Variants in CD300LG observed in about 807,000 individuals in gnomAD.
CD300LG encodes the protein CMRF35-like molecule 9.
A neutral mutation model predicts 31.5 loss-of-function variants in CD300LG; 29 were observed. That is an observed-to-expected ratio of 0.92 (90% CI 0.68 to 1.25). The LOEUF (loss-of-function observed/expected upper bound fraction) is 1.25. Ranked by LOEUF, CD300LG falls within the 50% of genes most tolerant of loss-of-function variation. The probability of loss-of-function intolerance (pLI) is 0.00; values close to 1 mark genes in which losing one functional copy is unlikely to be tolerated. For synonymous variants in CD300LG, 175 were observed against 177.2 expected, an observed-to-expected ratio of 0.99 and a Z score of 0.10; for missense variants, 396 against 417.6, an observed-to-expected ratio of 0.95 and a Z score of 0.45.
At chr17:43,853,208 C>T (rs374005593) in intron 3 of CD300LG, among the ~76,000 whole-genome samples, 195 bp downstream of exon 3, 1 of 152,080 alleles carries the variant, frequency 6.6e-6, no homozygotes, top group East Asian at 1.9e-4. Flanking sequence ...ACAAGAAGTG[C>T]CAGATCCCAG....
chr17:43,856,967 C>G (rs1046397035), intron 5 of CD300LG, 137 bp from the exon 6 acceptor site: 2 of 764,340 alleles, frequency 2.6e-6, no homozygotes, highest in Non-Finnish European at 4.6e-6. Context: ...GCTCCTCTGC[C>G]CATCTGGCTG....
Position 43,848,545 on chromosome 17 carries a change from G to A in CD300LG, c.44-13G>A. On this transcript the variant is annotated splice_polypyrimidine_tract_variant and intron_variant, in intron 1 of 6. Transcript: ENST00000317310. ...CCTGGTTTTTCCAACCTCCACTCCT[G>A]CTCTGATTTTAGGTTATGAAGCCCT... 1.2e-6 allele frequency: 2 copies of A among 1,606,652 alleles called. No homozygotes were observed. The highest frequency in any genetic ancestry group is 1.7e-6 in the Non-Finnish European group (2 of 1,174,714).
rs571439932 is a variant in CD300LG, at chr17:43,857,893, G to A, written c.885+737G>A. 1.4e-5 allele frequency: 21 copies of A among 1,536,808 alleles called. 1 individual carries two copies. In the South Asian group the frequency reaches 2.5e-4, roughly 18 times the overall value. On this transcript the variant is annotated intron_variant, in intron 6 of 6. Transcript: ENST00000317310. ...GTGGTGCTCTGGGGACCAGGGGCAA[G>A]AGAATAAGGGTCCCTGTGCCCATTG...
In CD300LG at chr17:43,861,949, G is replaced by A. The variant is rs771068825; in HGVS notation, c.*38G>A. 3.4e-6 allele frequency: 5 copies of A among 1,462,014 alleles called. No individual in the cohort carries two copies. In the South Asian group the frequency reaches 5.0e-5, roughly 15 times the overall value. 90.6% of individuals were successfully genotyped at this position (1,462,014 alleles called of 1,614,324 possible). ...TCCTGGCCAGGCCAGCAGTGAAGCA[G>A]TATGGCTGGCTGGATCAGCACCGAT... is the stretch of plus-strand genomic sequence containing the variant. On this transcript the variant is annotated 3_prime_UTR_variant, in exon 7 of 7. Coordinates refer to ENST00000317310, the MANE Select transcript of CD300LG (RefSeq NM_145273.4).
chr17:43,848,105 G>T (rs909133789), intron 1 of CD300LG, among the ~76,000 whole-genome samples: 1 of 152,146 alleles, frequency 6.6e-6, no homozygotes, highest in African/African-American at 2.4e-5. Flanking sequence ...AGCCGGGCAT[G>T]GCAGCACGTG....
intron 5 of CD300LG, chr17:43,855,542 G>C (rs376574759): frequency 4.5e-6 from 2 of 442,572 alleles, no homozygotes; most frequent in African/African-American, 2.0e-5. Context: ...AGGGTTCTCA[G>C]CTTCTTCCTG....
intron 5 of CD300LG, among the ~76,000 whole-genome samples, chr17:43,856,114 G>A (rs1308694515): frequency 6.6e-6 from 1 of 151,996 alleles, no homozygotes; most frequent in Admixed American, 6.6e-5. Context: ...ATCTAGTGAA[G>A]TTAATTTTAA....
chr17:43,858,169 C>T, intron 6 of CD300LG: 1 of 1,224,526 alleles, frequency 8.2e-7, no homozygotes, highest in Non-Finnish European at 1.0e-6. Flanking sequence ...CTGGTCACCC[C>T]AAGGAGGGTC....
intron 5 of CD300LG, 181 bp downstream of exon 5, chr17:43,855,500 A>G (rs929412595): frequency 1.1e-5 from 5 of 471,354 alleles, no homozygotes; most frequent in African/African-American, 9.9e-5. Context: ...CAACATTAGG[A>G]AAGTAATTCA....
intron 5 of CD300LG, chr17:43,855,527 A>G: frequency 2.2e-6 from 1 of 456,478 alleles, no homozygotes; most frequent in Non-Finnish European, 3.9e-6. Flanking sequence ...GAAATGGGAG[A>G]ATGAAGGGTT....
chr17:43,857,280 G>T, intron 6 of CD300LG, 124 bp downstream of exon 6: 3 of 1,439,454 alleles, frequency 2.1e-6, no homozygotes, highest in Non-Finnish European at 2.9e-6. Flanking sequence ...GGCAGCGCTT[G>T]CTCCCCACCT....
intron 2 of CD300LG, among the ~76,000 whole-genome samples, chr17:43,850,209 G>A (rs1428753039): frequency 1.3e-5 from 2 of 152,132 alleles, no homozygotes; most frequent in Non-Finnish European, 1.5e-5. Flanking sequence ...GTCATTTTGT[G>A]GTGTTTTCCA....
intron 2 of CD300LG, chr17:43,849,730 T>A (rs765620045): frequency 6.6e-5 from 10 of 152,348 alleles, no homozygotes; most frequent in South Asian, 2.1e-4. Context: ...GTGATGGAAC[T>A]GGGATTCAAA....
intron 2 of CD300LG, among the ~76,000 whole-genome samples, chr17:43,852,527 T>G (rs974648345): frequency 4.6e-5 from 7 of 152,192 alleles, no homozygotes; most frequent in Non-Finnish European, 8.8e-5. Flanking sequence ...AGCCTGAGTT[T>G]AAGAGGCCTC....
At chr17:43,859,360 T>C (rs1185359813) in intron 6 of CD300LG, among the ~76,000 whole-genome samples, 1 of 152,226 alleles carries the variant, frequency 6.6e-6, no homozygotes, top group African/African-American at 2.4e-5. Context: ...AGCTCTGATA[T>C]ATATCTTGCA....
chr17:43,860,188 C>G (rs1487658251), intron 6 of CD300LG, among the ~76,000 whole-genome samples: 1 of 152,202 alleles, frequency 6.6e-6, no homozygotes, highest in Non-Finnish European at 1.5e-5. Context: ...CGGATGGCAG[C>G]AGGGTATAGG....
intron 5 of CD300LG, 149 bp from the exon 6 acceptor site, chr17:43,856,955 G>A: frequency 1.4e-6 from 1 of 702,658 alleles, no homozygotes; most frequent in Non-Finnish European, 2.5e-6. Flanking sequence ...AAGCTGGAAG[G>A]GGCTCCTCTG....
rs1054618545 is a variant in CD300LG, at chr17:43,862,781, G to C, written c.*870G>C. 1 of 152,318 alleles carries C rather than the reference G, an allele frequency of 6.6e-6. No homozygotes were observed. Among genetic ancestry groups the C allele is most frequent in the African/African-American group, 2.4e-5 (1 of 41,448 alleles). 9.4% of individuals were successfully genotyped at this position (152,318 alleles called of 1,614,324 possible). ...GTTGCCTTTCCATTTGCCCTCCCTG[G>C]CCATGCCTTCTTGCCTTTGGAAAAA... On this transcript the variant is annotated 3_prime_UTR_variant, in exon 7 of 7. Transcript: ENST00000317310.
chr17:43,858,550 G>A, intron 6 of CD300LG: 1 of 985,452 alleles, frequency 1.0e-6, no homozygotes, highest in Non-Finnish European at 1.2e-6. Context: ...AGGGGCACAG[G>A]GCCAGCAGGC....
Sources: allele counts gnomAD v4.1 joint callset (sites outside exome capture counted in the v4.1 genomes callset), GRCh38; gene constraint gnomAD v4.1.1; transcripts MANE v1.5; gene names NCBI Gene and HGNC (gene_info 2026-07-23, HGNC 2026-07-21).